Variants in PSMG4 observed in about 807,000 individuals in gnomAD.
PSMG4 encodes proteasome assembly chaperone 4, also known as proteasome (prosome, macropain) assembly chaperone 4.
A neutral mutation model predicts 11.0 loss-of-function variants in PSMG4; 10 were observed. That is an observed-to-expected ratio of 0.91 (90% CI 0.56 to 1.54). The LOEUF (loss-of-function observed/expected upper bound fraction) is 1.54, where lower values mean the gene tolerates loss of function less well. Ranked by LOEUF, PSMG4 falls within the 40% of genes most tolerant of loss-of-function variation. The pLI is 0.00. For synonymous variants in PSMG4, 95 were observed against 71.3 expected (o/e 1.33, Z -1.68); for missense variants, 198 against 160.9 (o/e 1.23, Z -1.25).
chr6:3,259,325 T>C, intron 1 of PSMG4, 129 bp downstream of exon 1: 2 of 889,398 alleles, frequency 2.2e-6, no homozygotes, highest in Non-Finnish European at 2.9e-6. Flanking sequence ...AGCCCACCCG[T>C]GGGATGTCTT....
At chr6:3,258,169 A>G (rs564325219), upstream of PSMG4, among the ~76,000 whole-genome samples, 3 of 74,328 alleles carry the variant, frequency 4.0e-5, no homozygotes, top group East Asian at 1.2e-3. Flanking sequence ...CATAGGTATG[A>G]CAATGGGATG....
upstream of PSMG4, among the ~76,000 whole-genome samples, chr6:3,256,855 G>A (rs546385402): frequency 9.2e-5 from 14 of 152,290 alleles, no homozygotes; most frequent in Non-Finnish European, 1.5e-4. Flanking sequence ...AGAGGAGGCC[G>A]TGGCAGAAGG....
chr6:3,264,414 T>A (rs989078031), intron 2 of PSMG4: 1 of 1,488,814 alleles, frequency 6.7e-7, no homozygotes, highest in Non-Finnish European at 9.0e-7. Context: ...GGCCTGGCGT[T>A]CTCCAGTAGG....
At position 3,267,635 on chromosome 6, in the gene PSMG4, AAC is replaced by A. The variant is rs1322887805; in HGVS notation, c.299_300del (p.Thr100ArgfsTer3). 3 of 1,552,042 alleles carry A rather than the reference AAC, an allele frequency of 1.9e-6. No homozygotes were observed. The highest frequency in any genetic ancestry group is 2.6e-6 in the Non-Finnish European group (3 of 1,147,064). On this transcript the variant is annotated frameshift_variant, in exon 3 of 3. Transcript: ENST00000438998. LOFTEE classifies it high-confidence loss of function. ...GGTGTTTGTCAGCTATAACCTTCAG[AAC>A]ACAGACAGTAACTTCGCATTACTTG... The part of the protein sequence containing the change: ...KQVFVSYNLQ[N>X]TDSNFALLVE...
At chr6:3,267,476 T>A (rs9328157) in intron 2 of PSMG4, 115 bp from the exon 3 acceptor site, 1 of 1,228,692 alleles carries the variant, frequency 8.1e-7, no homozygotes, top group South Asian at 1.5e-5. Context: ...GAGCTTTCTT[T>A]TCTCCCTACA....
intron 1 of PSMG4, among the ~76,000 whole-genome samples, chr6:3,260,291 A>ATAT: frequency 1.4e-5 from 1 of 70,840 alleles, no homozygotes; most frequent in Admixed American, 2.1e-4. Flanking sequence ...ATATATATAT[A>ATAT]TTTTTTTTTT....
At chr6:3,266,723 C>G (rs1423338775) in intron 2 of PSMG4, 1 of 72,542 alleles carries the variant, frequency 1.4e-5, no homozygotes, top group African/African-American at 5.8e-5. Context: ...GTCCATATGC[C>G]TATCTGTGCA....
intron 2 of PSMG4, chr6:3,264,545 G>A (rs1561843754): frequency 2.5e-6 from 2 of 804,040 alleles, no homozygotes; most frequent in Non-Finnish European, 3.7e-6. Flanking sequence ...ATGGCACCTG[G>A]CCCAGGGGGA....
upstream of PSMG4, among the ~76,000 whole-genome samples, chr6:3,255,448 C>T (rs556442323): frequency 2.6e-3 from 209 of 81,440 alleles, no homozygotes; most frequent in East Asian, 9.7e-3. Flanking sequence ...CCTTCTCAGA[C>T]CACCACCTCT....
intron 1 of PSMG4, among the ~76,000 whole-genome samples, chr6:3,261,866 A>G (rs1758003559): frequency 1.3e-5 from 2 of 152,186 alleles, no homozygotes; most frequent in African/African-American, 2.4e-5. Context: ...CAGTTGTAAT[A>G]GAGACTTTGT....
intron 2 of PSMG4, 92 bp downstream of exon 2, chr6:3,263,851 C>A: frequency 6.7e-7 from 1 of 1,500,450 alleles, no homozygotes. Context: ...AGTAAAGCAT[C>A]TTTATGCTAA....
upstream of PSMG4, among the ~76,000 whole-genome samples, chr6:3,254,458 T>TC (rs1554128571): frequency 1.4e-5 from 2 of 143,060 alleles, no homozygotes; most frequent in Non-Finnish European, 3.1e-5. Context: ...CTGCTTTTTT[T>TC]GTGTGTCTTT....
upstream of PSMG4, among the ~76,000 whole-genome samples, chr6:3,255,553 T>C (rs9501959): frequency 0.88 from 133,796 of 152,144 alleles, 58,991 homozygotes; most frequent in African/African-American, 0.9. Flanking sequence ...AACCTTGGGC[T>C]GCTGTTCTGT....
upstream of PSMG4, among the ~76,000 whole-genome samples, chr6:3,257,534 T>C (rs1438589822): frequency 1.3e-5 from 2 of 152,176 alleles, no homozygotes; most frequent in Non-Finnish European, 2.9e-5. Context: ...AAAACAATTA[T>C]GGTGTAGCCA....
chr6:3,256,423 C>T (rs1169755314), upstream of PSMG4, among the ~76,000 whole-genome samples: 2 of 152,226 alleles, frequency 1.3e-5, no homozygotes, highest in Admixed American at 6.5e-5. Context: ...GATGACACTT[C>T]AGTTTCCCCA....
chr6:3,254,459 G>T (rs953418074), upstream of PSMG4, among the ~76,000 whole-genome samples: 9 of 130,724 alleles, frequency 6.9e-5, no homozygotes, highest in Admixed American at 3.1e-4. Flanking sequence ...TGCTTTTTTT[G>T]TGTGTCTTTT....
intron 2 of PSMG4, 193 bp downstream of exon 2, chr6:3,263,952 A>G: frequency 7.3e-7 from 1 of 1,374,534 alleles, no homozygotes; most frequent in South Asian, 1.5e-5. Context: ...TGTCATCACC[A>G]CCGTCCCAGG....
chr6:3,257,512 A>G (rs986633263), upstream of PSMG4, among the ~76,000 whole-genome samples: 3 of 152,320 alleles, frequency 2.0e-5, no homozygotes, highest in Admixed American at 6.5e-5. Flanking sequence ...TCAAATCACA[A>G]AGTAAAGGGA....
chr6:3,254,956 T>G (rs1234484484), upstream of PSMG4: 5 of 1,370,574 alleles, frequency 3.6e-6, no homozygotes, highest in Non-Finnish European at 4.9e-6. Flanking sequence ...CTGTTGGGTG[T>G]TGCAGAGCAT....
Sources: gnomAD v4.1 joint callset for allele counts (sites outside exome capture counted in the v4.1 genomes callset) on GRCh38, gnomAD v4.1.1 for gene constraint, MANE v1.5 for transcripts, NCBI Gene and HGNC (gene_info 2026-07-23, HGNC 2026-07-21) for gene names.